Variants in ACTR3C observed in about 807,000 individuals in gnomAD.
ACTR3C encodes the protein actin-related protein 3C.
A neutral mutation model predicts 26.3 loss-of-function variants in ACTR3C; 18 were observed. The observed-to-expected ratio is 0.68, with a 90% CI of 0.47 to 1.01. The LOEUF is 1.01. Among genes scored for constraint, ACTR3C ranks in the 50% least tolerant of loss-of-function variants. The pLI, the probability that ACTR3C is intolerant of heterozygous loss-of-function variation, is 0.00. For missense variants in ACTR3C, 184 were observed against 250.7 expected (o/e 0.73, Z 1.80); for synonymous variants, 55 against 94.5 (o/e 0.58, Z 2.42).
chr7:149,958,945 C>G, the ACTR3C span, among the ~76,000 whole-genome samples: 7,287 of 152,258 alleles, frequency 0.048, 567 homozygotes, highest in African/African-American at 0.16. Context: ...TGAGGCAACA[C>G]CAGAACATCA....
intron 1 of ACTR3C, among the ~76,000 whole-genome samples, chr7:150,311,574 C>T (rs1796325359): frequency 6.6e-6 from 1 of 152,186 alleles, no homozygotes; most frequent in Admixed American, 6.5e-5. Flanking sequence ...CGATTTCAAC[C>T]CAGCTTCTCA....
rs1323679929 is a variant in ACTR3C, at chr7:150,274,591, T to G, written c.564+10162A>C. On this transcript the variant is annotated intron_variant, in intron 6 of 7. Coordinates refer to ENST00000683684, the MANE Select transcript of ACTR3C (RefSeq NM_001164458.2). This position sits in a 1 kb window ranked among gnomAD's most constrained non-coding sequence, Gnocchi z 4.1. ...ATCAAGTACTACACTTCAGCCTGTG[T>G]AAGGGTGACCTAATAATTCCATGAG... Among the ~76,000 whole-genome samples, 2 of 152,176 alleles carry G rather than the reference T, an allele frequency of 1.3e-5. No individual in the cohort carries two copies. The highest frequency in any genetic ancestry group is 4.8e-5 in the African/African-American group (2 of 41,436).
the ACTR3C span, among the ~76,000 whole-genome samples, chr7:150,158,749 T>G: frequency 6.6e-6 from 1 of 152,174 alleles, no homozygotes; most frequent in Non-Finnish European, 1.5e-5. Context: ...ATTGTGTACT[T>G]GGAATTTGCT....
chr7:150,012,315 A>ATTTTTT, the ACTR3C span, among the ~76,000 whole-genome samples: 2 of 91,996 alleles, frequency 2.2e-5, no homozygotes, highest in African/African-American at 8.4e-5. Context: ...TTATAAATGC[A>ATTTTTT]TCTTTTTTTT....
the ACTR3C span, among the ~76,000 whole-genome samples, chr7:149,938,972 A>ATATATAAAT: frequency 6.8e-6 from 1 of 147,338 alleles, no homozygotes; most frequent in African/African-American, 2.5e-5. Context: ...TATTATATAC[A>ATATATAAAT]TATATATGTA....
the ACTR3C span, among the ~76,000 whole-genome samples, chr7:150,082,593 C>G: frequency 2.6e-5 from 4 of 152,112 alleles, no homozygotes; most frequent in African/African-American, 9.7e-5. Flanking sequence ...CACATATAAC[C>G]CTGAGTGCCC....
At chr7:150,017,299 G>A in the ACTR3C span, among the ~76,000 whole-genome samples, 1 of 151,614 alleles carries the variant, frequency 6.6e-6, no homozygotes, top group Non-Finnish European at 1.5e-5. Context: ...CAGCCCGCAA[G>A]TTTCAAATTG....
chr7:149,938,084 A>T, the ACTR3C span, among the ~76,000 whole-genome samples: 4 of 152,146 alleles, frequency 2.6e-5, no homozygotes, highest in African/African-American at 9.7e-5. Flanking sequence ...CCTGGGCAAG[A>T]GGTTGAGGGA....
chr7:150,168,885 G>A, the ACTR3C span, among the ~76,000 whole-genome samples: 2,111 of 150,806 alleles, frequency 0.014, 198 homozygotes, highest in African/African-American at 0.05. Context: ...TTCCTTCTAG[G>A]GAAAGCCAAA....
chr7:150,006,289 T>C, the ACTR3C span, among the ~76,000 whole-genome samples: 9 of 151,784 alleles, frequency 5.9e-5, no homozygotes, highest in Non-Finnish European at 8.8e-5. Context: ...CTCCACCTCC[T>C]GGGTTCACAG....
At chr7:150,043,157 C>G in the ACTR3C span, among the ~76,000 whole-genome samples, 37 of 150,450 alleles carry the variant, frequency 2.5e-4, no homozygotes, top group Admixed American at 9.3e-4. Context: ...GGACCCATGT[C>G]TTATTGTAAA....
intron 6 of ACTR3C, among the ~76,000 whole-genome samples, chr7:150,260,071 G>A (rs1584856933): frequency 6.6e-6 from 1 of 152,188 alleles, no homozygotes; most frequent in Admixed American, 6.5e-5. Context: ...AAATAAAGTT[G>A]TATTGGAATG....
the ACTR3C span, among the ~76,000 whole-genome samples, chr7:150,037,746 G>T: frequency 2.3e-5 from 1 of 44,304 alleles, no homozygotes; most frequent in Non-Finnish European, 6.0e-5. Flanking sequence ...CTGGCTCTCA[G>T]TCCCCACCCT....
At chr7:150,294,133 A>G (rs1836530805) in intron 2 of ACTR3C, among the ~76,000 whole-genome samples, 1 of 152,158 alleles carries the variant, frequency 6.6e-6, no homozygotes, top group African/African-American at 2.4e-5. Context: ...CAGAAATTCT[A>G]ATCTGGAAGG....
the ACTR3C span, chr7:150,040,512 CCA>C: frequency 2.7e-5 from 4 of 148,764 alleles, no homozygotes; most frequent in African/African-American, 1.0e-4. Context: ...TGTTTGGGAT[CCA>C]CAGTCTACGA....
At chr7:150,204,321 G>A in the ACTR3C span, among the ~76,000 whole-genome samples, 2,261 of 143,766 alleles carry the variant, frequency 0.016, 36 homozygotes, top group East Asian at 0.057. Context: ...GGGAAAATGT[G>A]GGTGTTTCTC....
At chr7:150,296,313 C>T (rs979572056) in intron 1 of ACTR3C, among the ~76,000 whole-genome samples, 3 of 149,874 alleles carry the variant, frequency 2.0e-5, no homozygotes, top group African/African-American at 5.1e-5. Flanking sequence ...TGCCACTGCA[C>T]TCCAACCTGG....
At chr7:150,058,864 A>G in the ACTR3C span, among the ~76,000 whole-genome samples, 11 of 152,270 alleles carry the variant, frequency 7.2e-5, no homozygotes, top group Admixed American at 2.0e-4. Context: ...GCAGTGAGCC[A>G]GGATTACACC....
At chr7:149,964,311 C>T in the ACTR3C span, among the ~76,000 whole-genome samples, 1 of 152,166 alleles carries the variant, frequency 6.6e-6, no homozygotes. Context: ...CAAGAAAGAT[C>T]TTTTTATCTG....
Sources: allele counts gnomAD v4.1 joint callset (sites outside exome capture counted in the v4.1 genomes callset), GRCh38; gene constraint gnomAD v4.1.1; non-coding constraint Gnocchi (gnomAD v3.1); transcripts MANE v1.5; gene names NCBI Gene and HGNC (gene_info 2026-07-23, HGNC 2026-07-21).